The following CD4 variants were observed in gnomAD, a reference collection of about 807,000 sequenced individuals.
CD4 encodes T-cell surface glycoprotein CD4.
A neutral mutation model predicts 50.5 loss-of-function variants in CD4; 25 were observed. The observed-to-expected ratio is 0.49, with a 90% CI of 0.36 to 0.69. The LOEUF is 0.69. CD4 is among the 30% of genes least tolerant of loss of function. The pLI is 0.00. For missense variants in CD4, 456 were observed against 548.5 expected (o/e 0.83, Z 1.68); for synonymous variants, 207 against 221.9 (o/e 0.93, Z 0.60).
intron 7 of CD4, among the ~76,000 whole-genome samples, chr12:6,817,565 C>T (rs1166438994): frequency 3.3e-5 from 5 of 152,114 alleles, no homozygotes; most frequent in Admixed American, 6.5e-5. Flanking sequence ...CAAGTTCCCA[C>T]TCCCTCAGGT....
rs202053778 is a variant in CD4, at chr12:6,818,368, C to A, written c.1157-53C>A. The A allele has an allele frequency of 2.2e-5, 36 of 1,603,230 alleles. No individual in the cohort carries two copies. The South Asian group carries it at 2.3e-4, about 10-fold the overall frequency. The stretch of plus-strand genomic sequence containing the variant: ...GAGGGATTGCAGGGCAGTCCTCAGT[C>A]CCCTGGCCCGTGGAGGAGGGCGGTG... On this transcript the variant is annotated intron_variant, in intron 7 of 9. Transcript: ENST00000011653. This position sits in a 1 kb window ranked among gnomAD's most constrained non-coding sequence, Gnocchi z 5.0.
Position 6,799,479 on chromosome 12 carries a change from A to G in CD4, c.-67-593A>G, listed in dbSNP as rs1343612209. On this transcript the variant is annotated intron_variant, in intron 1 of 9. Coordinates refer to ENST00000011653, the MANE Select transcript of CD4 (RefSeq NM_000616.5). ...CATGAACCTTAAGTAGCTAATTACT[A>G]TACGGGGTCATTTTGAGGATATCTT... is the stretch of plus-strand genomic sequence containing the variant. 2.6e-5 allele frequency: 4 copies of G among 152,564 alleles called. No homozygotes were observed. In the East Asian group the frequency reaches 5.8e-4, roughly 22 times the overall value. The allele number at this position is 152,564 out of a possible 1,614,324, so 9.5% of individuals were successfully genotyped here.
rs1942639402 is a variant in CD4 at position 6,803,805 on chromosome 12, A to C, written c.214+3334A>C. On this transcript the variant is annotated intron_variant, in intron 3 of 9. Transcript: ENST00000011653. Reference sequence around the variant, plus strand: ...ATCACAAAAAATAAATAAATAAATAAATAAAATATAAATAAGTAAATAAAG... The same window carrying C: ...ATCACAAAAAATAAATAAATAAATACATAAAATATAAATAAGTAAATAAAG... Among the ~76,000 whole-genome samples, 3 of 147,084 alleles carry C rather than the reference A, an allele frequency of 2.0e-5. No homozygotes were observed. In the South Asian group the frequency reaches 6.4e-4, roughly 32 times the overall value.
intron 3 of CD4, among the ~76,000 whole-genome samples, chr12:6,812,769 TTTTGTGTGTG>T (rs1234346913): frequency 7.2e-3 from 234 of 32,320 alleles, no homozygotes; most frequent in African/African-American, 0.021. Context: ...CCAAGGTTAT[TTTTGTGTGTG>T]TGTGTGTGTG....
At chr12:6,806,152 T>G (rs1555116131) in intron 3 of CD4, among the ~76,000 whole-genome samples, 1 of 82,838 alleles carries the variant, frequency 1.2e-5, no homozygotes, top group Non-Finnish European at 2.4e-5. Flanking sequence ...AAAAAAAAGG[T>G]ACATACACAC....
chr12:6,805,491 G>A (rs1186403716), intron 3 of CD4, among the ~76,000 whole-genome samples: 2 of 150,854 alleles, frequency 1.3e-5, no homozygotes, highest in Non-Finnish European at 2.9e-5. Context: ...AACCCGGGAG[G>A]CAGAGGTTGC....
At chr12:6,802,604 G>A (rs1942597395) in intron 3 of CD4, among the ~76,000 whole-genome samples, 1 of 151,956 alleles carries the variant, frequency 6.6e-6, no homozygotes, top group Admixed American at 6.6e-5. Flanking sequence ...CACTGCATGT[G>A]GCCTATTTTC....
Position 6,818,822 on chromosome 12 carries a change from G to A in CD4, c.1279-25G>A, listed in dbSNP as rs782528984. The A allele has an allele frequency of 3.1e-6, 5 of 1,609,036 alleles. No individual in the cohort carries two copies. The Admixed American group carries it at 8.3e-5, about 27-fold the overall frequency. Reference sequence around the variant, plus strand: ...CCTTCTGGAGGCCTGGGACCCTCGTGACTCCCTTTCTTGTCCCTGGACAGC... The same window carrying A: ...CCTTCTGGAGGCCTGGGACCCTCGTAACTCCCTTTCTTGTCCCTGGACAGC... On this transcript the variant is annotated intron_variant, in intron 8 of 9. Transcript: ENST00000011653. This position sits in a 1 kb window ranked among gnomAD's most constrained non-coding sequence, Gnocchi z 5.0.
rs764258863 is a variant in CD4 at position 6,792,749 on chromosome 12, G to A, written c.-68+3087G>A. Among the ~76,000 whole-genome samples, 111 of 152,288 alleles carry A rather than the reference G, an allele frequency of 7.3e-4. No homozygotes were observed. The highest frequency in any genetic ancestry group is 1.2e-3 in the Non-Finnish European group (81 of 68,024). On this transcript the variant is annotated intron_variant, in intron 1 of 9. Transcript: ENST00000011653. The surrounding 1 kb of genome is among the most constrained non-coding windows in gnomAD (Gnocchi z 4.1). ...ACTGTGTACAGACCGGAAGGAGCTA[G>A]AGCTTAGTGGCAGCCTGAGAGGGGA...
intron 3 of CD4, among the ~76,000 whole-genome samples, chr12:6,806,152 T>TAC (rs1220025519): frequency 2.4e-5 from 2 of 82,852 alleles, no homozygotes; most frequent in East Asian, 7.0e-4. Context: ...AAAAAAAAGG[T>TAC]ACATACACAC....
chr12:6,814,070 G>T, intron 3 of CD4, 72 bp from the exon 4 acceptor site: 1 of 1,318,082 alleles, frequency 7.6e-7, no homozygotes, highest in Non-Finnish European at 1.1e-6. Flanking sequence ...GAAGAGCCGT[G>T]GGCATTCTCT....
intron 5 of CD4, 131 bp downstream of exon 5, chr12:6,815,123 A>G: frequency 1.5e-6 from 1 of 681,634 alleles, no homozygotes; most frequent in Non-Finnish European, 2.6e-6. Flanking sequence ...GGTCCCCTAG[A>G]GCTGAGGCCT....
At chr12:6,798,261 C>G (rs1942432477) in intron 1 of CD4, among the ~76,000 whole-genome samples, 1 of 88,886 alleles carries the variant, frequency 1.1e-5, no homozygotes, top group Non-Finnish European at 2.8e-5. Flanking sequence ...CCTCTGCCTC[C>G]CGGGTTCACG....
intron 1 of CD4, among the ~76,000 whole-genome samples, chr12:6,796,945 C>T (rs114306020): frequency 0.011 from 1,617 of 152,328 alleles, 35 homozygotes; most frequent in African/African-American, 0.036. Flanking sequence ...CCTCCTCGCA[C>T]ATCCCTACCA....
In CD4 at chr12:6,819,301, G is replaced by A. The variant is rs782481105; in HGVS notation, c.1349G>A (p.Arg450Gln). 8 of 1,614,122 alleles carry A rather than the reference G, an allele frequency of 5.0e-6. No homozygotes were observed. Among genetic ancestry groups the A allele is most frequent in the South Asian group, 1.1e-5 (1 of 91,078 alleles). The change falls in exon 10 of 10, where the codon CGG becomes CAG. Residue 450 changes from arginine (R) to glutamine (Q), a missense_variant and splice_region_variant. Physicochemically the swap from Arg to Gln is conservative, Grantham distance 43. Transcript: ENST00000011653. ...CCCCTTCTTCTTTGTTCCTGCAGCCGGTTTCAGAAGACATGTAGCCCCATT... is the reference window on the plus strand; with the variant it reads ...CCCCTTCTTCTTTGTTCCTGCAGCCAGTTTCAGAAGACATGTAGCCCCATT... ...SEKKTCQCPH[R>Q]FQKTCSPI
Position 6,818,520 on chromosome 12 carries a change from G to T in CD4, c.1256G>T (p.Cys419Phe). The T allele has an allele frequency of 6.2e-7, 1 of 1,613,008 alleles. No homozygotes were observed. Residue 419 changes from cysteine to phenylalanine, a missense_variant, in exon 8 of 10, where the codon TGT becomes TTT. Coordinates refer to ENST00000011653, the MANE Select transcript of CD4 (RefSeq NM_000616.5). This position sits in a 1 kb window ranked among gnomAD's most constrained non-coding sequence, Gnocchi z 5.0. Reference protein sequence around the residue: ...LLFIGLGIFFCVRCRHRRRQA... With the variant: ...LLFIGLGIFFFVRCRHRRRQA... ...TTCATTGGGCTAGGCATCTTCTTCT[G>T]TGTCAGGTGCCGGCACCGAAGGGTG...
At position 6,814,900 on chromosome 12, in the gene CD4, C is replaced by T. The variant is rs1943046055; in HGVS notation, c.515C>T (p.Ser172Phe). Residue 172 changes from serine (S) to phenylalanine (F), a missense_variant, in exon 5 of 10, where the codon TCT becomes TTT. By Grantham distance (155) the Ser-to-Phe change is radical (BLOSUM62 -2). Coordinates refer to ENST00000011653, the MANE Select transcript of CD4 (RefSeq NM_000616.5). The part of the protein sequence containing the change: ...NIQGGKTLSV[S>F]QLELQDSGTW... ...CAGGGGGGGAAGACCCTCTCCGTGTCTCAGCTGGAGCTCCAGGATAGTGGC... is the reference window on the plus strand; with the variant it reads ...CAGGGGGGGAAGACCCTCTCCGTGTTTCAGCTGGAGCTCCAGGATAGTGGC... 2 of 1,613,592 alleles carry T rather than the reference C, an allele frequency of 1.2e-6. No homozygotes were observed. Among genetic ancestry groups the T allele is most frequent in the Non-Finnish European group, 1.7e-6 (2 of 1,179,698 alleles).
rs986497439 is a variant in CD4 at position 6,797,602 on chromosome 12, C to T, written c.-67-2470C>T. Among the ~76,000 whole-genome samples, 10 of 152,048 alleles carry T rather than the reference C, an allele frequency of 6.6e-5. No homozygotes were observed. In the South Asian group the frequency reaches 1.0e-3, roughly 16 times the overall value. On this transcript the variant is annotated intron_variant, in intron 1 of 9. Coordinates refer to ENST00000011653, the MANE Select transcript of CD4 (RefSeq NM_000616.5). ...TATTGATCACTATCTTTACTATCTC[C>T]GCGAGGGGAATGTGGTGGGGCTATA...
chr12:6,800,622 C>T, intron 3 of CD4, 151 bp downstream of exon 3: 2 of 616,214 alleles, frequency 3.2e-6, no homozygotes, highest in Non-Finnish European at 5.6e-6. Context: ...AGTTTCTCTA[C>T]ACCAACTGCT....
Sources: allele counts gnomAD v4.1 joint callset (sites outside exome capture counted in the v4.1 genomes callset), GRCh38; gene constraint gnomAD v4.1.1; non-coding constraint Gnocchi (gnomAD v3.1); transcripts MANE v1.5; gene names NCBI Gene and HGNC (gene_info 2026-07-23, HGNC 2026-07-21).